Variants in MYH15 observed in about 807,000 individuals in gnomAD.
MYH15 encodes myosin heavy chain 15.
MYH15 carries 227 observed loss-of-function variants against 240.5 expected under a neutral mutation model. That is an observed-to-expected ratio of 0.94 (90% CI 0.85 to 1.05). The LOEUF (loss-of-function observed/expected upper bound fraction) is 1.05, where lower values mean the gene tolerates loss of function less well. MYH15 is among the 50% of genes least tolerant of loss of function. The pLI, the probability that MYH15 is intolerant of heterozygous loss-of-function variation, is 0.00. For synonymous variants in MYH15, 785 were observed against 796.7 expected (o/e 0.99, Z 0.25); for missense variants, 2,217 against 2,247.5 (o/e 0.99, Z 0.27).
chr3:108,493,214 C>G, intron 7 of MYH15, 37 bp from the exon 8 acceptor site: 1 of 1,577,956 alleles, frequency 6.3e-7, no homozygotes, highest in Non-Finnish European at 8.7e-7. Flanking sequence ...ACACAAAACA[C>G]AGTTTCCTAT....
chr3:108,485,046 C>A, intron 11 of MYH15, 45 bp downstream of exon 11: 1 of 1,597,090 alleles, frequency 6.3e-7, no homozygotes. Context: ...CAGGCTTGGG[C>A]CCAGAGATTT....
intron 20 of MYH15, 59 bp from the exon 21 acceptor site, chr3:108,454,201 A>C: frequency 6.8e-7 from 1 of 1,480,120 alleles, no homozygotes; most frequent in Non-Finnish European, 9.2e-7. Context: ...AATGTTTATT[A>C]AATGATCCTG....
At chr3:108,404,546 G>A (rs1218602034) in intron 33 of MYH15, among the ~76,000 whole-genome samples, 1 of 152,156 alleles carries the variant, frequency 6.6e-6, no homozygotes, top group East Asian at 1.9e-4. Context: ...CACCTTCTGT[G>A]ACATGTAGGG....
rs766699431 is a variant in MYH15, at chr3:108,391,962, T to G, written c.5260-32A>C. ...GGTTAAAAAAAGGGACTGAGCTAGT[T>G]CAGCAGTCAATTGATCTTAACATTT... On this transcript the variant is annotated intron_variant, in intron 36 of 40. Transcript: ENST00000693548. The G allele has an allele frequency of 1.7e-5, 27 of 1,605,654 alleles. No individual in the cohort carries two copies. The East Asian group carries it at 6.0e-4, about 36-fold the overall frequency.
At chr3:108,462,913 T>C (rs1165413813) in intron 16 of MYH15, among the ~76,000 whole-genome samples, 198 bp downstream of exon 16, 3 of 152,104 alleles carry the variant, frequency 2.0e-5, no homozygotes, top group Non-Finnish European at 4.4e-5. Context: ...ACAGACTTCT[T>C]GAATCTATCT....
At chr3:108,422,809 G>C (rs2082693654) in intron 27 of MYH15, among the ~76,000 whole-genome samples, 1 of 152,164 alleles carries the variant, frequency 6.6e-6, no homozygotes, top group Non-Finnish European at 1.5e-5. Flanking sequence ...TAACCTAATT[G>C]TTATGATAGA....
At chr3:108,399,827 T>A (rs1234044218) in intron 33 of MYH15, among the ~76,000 whole-genome samples, 1 of 152,232 alleles carries the variant, frequency 6.6e-6, no homozygotes, top group Non-Finnish European at 1.5e-5. Context: ...ACCCAAGGAT[T>A]GGCTGAGACA....
intron 18 of MYH15, 22 bp from the exon 19 acceptor site, chr3:108,456,905 G>C (rs1034933629): frequency 1.3e-6 from 2 of 1,545,852 alleles, no homozygotes; most frequent in Middle Eastern, 1.7e-4. Flanking sequence ...AAAGAGTCAT[G>C]GTGGATCTGT....
Position 108,471,024 on chromosome 3 carries a change from A to G in MYH15, c.1234-177T>C, listed in dbSNP as rs567458761. On this transcript the variant is annotated intron_variant, in intron 12 of 40. Transcript: ENST00000693548. ...GAAGAAAAGAAAGAGAGAGAGAGAG[A>G]AAAAGAAAGAAAGAAAGAAAAGGAG... 1.1e-4 allele frequency among the ~76,000 whole-genome samples: 12 copies of G among 113,688 alleles called. 1 individual carries two copies. The East Asian group carries it at 0.037, about 349-fold the overall frequency. 74.6% of individuals were successfully genotyped at this position (113,688 alleles called of 152,430 possible). A position where few individuals can be genotyped will look rare whatever the true frequency, so the allele number is the denominator to read the frequency against.
At chr3:108,473,744 T>A (rs551076636) in intron 12 of MYH15, among the ~76,000 whole-genome samples, 35 of 152,216 alleles carry the variant, frequency 2.3e-4, no homozygotes, top group Non-Finnish European at 4.0e-4. Flanking sequence ...GTTAGAAATA[T>A]CATGGAATCA....
chr3:108,410,690 T>A lies in MYH15; in HGVS notation c.4388A>T (p.Gln1463Leu). ...EESQALLDAS[Q>L]KEVQALSTEL... ...TGTACTGAGAGCCTGAACTTCCTTC[T>A]GAGAGGCATCCAGCAACGCCTGGGA... is the stretch of plus-strand genomic sequence containing the variant. Residue 1463 changes from glutamine (Q) to leucine (L), a missense_variant, in exon 31 of 41, where the codon CAG becomes CTG. By Grantham distance (113) the Gln-to-Leu change is moderately radical. Coordinates refer to ENST00000693548, the MANE Select transcript of MYH15 (RefSeq NM_014981.3). 1 of 1,614,228 alleles carries A rather than the reference T, an allele frequency of 6.2e-7. No individual in the cohort carries two copies. The highest frequency in any genetic ancestry group is 8.5e-7 in the Non-Finnish European group (1 of 1,180,038).
intron 40 of MYH15, among the ~76,000 whole-genome samples, chr3:108,383,057 G>C (rs1459553151): frequency 1.3e-5 from 2 of 152,010 alleles, no homozygotes; most frequent in African/African-American, 4.8e-5. Context: ...GGACCAAAGA[G>C]ACATAGAAAG....
At chr3:108,383,753 A>G in intron 39 of MYH15, 24 bp from the exon 40 acceptor site, 3 of 1,528,908 alleles carry the variant, frequency 2.0e-6, no homozygotes, top group Non-Finnish European at 2.6e-6. Flanking sequence ...AAAAAAAAAA[A>G]AGAAATCTCC....
chr3:108,408,816 G>A (rs1576214738), intron 31 of MYH15, among the ~76,000 whole-genome samples: 2 of 152,182 alleles, frequency 1.3e-5, no homozygotes, highest in African/African-American at 4.8e-5. Context: ...TCAACACTGC[G>A]ACAGGAACTT....
At chr3:108,488,913 G>T (rs6766060) in intron 9 of MYH15, among the ~76,000 whole-genome samples, 2 of 152,028 alleles carry the variant, frequency 1.3e-5, no homozygotes, top group African/African-American at 2.4e-5. Flanking sequence ...AGTGAAAAAG[G>T]GTTGCCTTTT....
chr3:108,391,737 C>G (rs2082423787), intron 37 of MYH15, 23 bp downstream of exon 37: 1 of 1,607,246 alleles, frequency 6.2e-7, no homozygotes, highest in Admixed American at 1.7e-5. Flanking sequence ...CTGTCAAGCC[C>G]TCATGATTAC....
Position 108,505,829 on chromosome 3 carries a change from CCT to C in MYH15, c.89-2_89-1del. ...ATCAGGAATCCAGCATTTCTTCTTCCCTGTAGAGCAAAAAAAAAAAAAAATGG... is the reference window on the plus strand; with the variant it reads ...ATCAGGAATCCAGCATTTCTTCTTCCGTAGAGCAAAAAAAAAAAAAAATGG... On this transcript the variant is annotated splice_acceptor_variant, in intron 1 of 40. Coordinates refer to ENST00000693548, the MANE Select transcript of MYH15 (RefSeq NM_014981.3). LOFTEE classifies it high-confidence loss of function. 1.3e-6 allele frequency: 2 copies of C among 1,582,404 alleles called. No individual in the cohort carries two copies. The highest frequency in any genetic ancestry group is 1.4e-5 in the African/African-American group (1 of 70,644).
chr3:108,470,824 C>G lies in MYH15; in HGVS notation c.1257G>C (p.Leu419=). 6.2e-7 allele frequency: 1 copy of G among 1,613,738 alleles called. No individual in the cohort carries two copies. Among genetic ancestry groups the G allele is most frequent in the Non-Finnish European group, 8.5e-7 (1 of 1,179,794 alleles). Residue 419 remains leucine, a synonymous_variant, in exon 13 of 41, where the codon CTG becomes CTC. Coordinates refer to ENST00000693548, the MANE Select transcript of MYH15 (RefSeq NM_014981.3). ...IEQVTCAVGA[L]SKSMYERMFK... ...ACATCCTTTCATACATTGACTTGGACAGGGCACCGACAGCACAGGTTACCT... is the reference window on the plus strand; with the variant it reads ...ACATCCTTTCATACATTGACTTGGAGAGGGCACCGACAGCACAGGTTACCT...
At chr3:108,462,717 C>G (rs2083081733) in intron 16 of MYH15, among the ~76,000 whole-genome samples, 1 of 152,030 alleles carries the variant, frequency 6.6e-6, no homozygotes, top group South Asian at 2.1e-4. Flanking sequence ...CTTCTAATAA[C>G]CCTAAGTGCA....
Sources: allele counts gnomAD v4.1 joint callset (sites outside exome capture counted in the v4.1 genomes callset), GRCh38; gene constraint gnomAD v4.1.1; transcripts MANE v1.5; gene names NCBI Gene and HGNC (gene_info 2026-07-23, HGNC 2026-07-21).